Variants in CRISPLD1 observed in about 807,000 individuals in gnomAD.
CRISPLD1 encodes cysteine rich secretory protein LCCL domain containing 1, also known as cysteine-rich secretory protein LCCL domain-containing 1.
A neutral mutation model predicts 77.5 loss-of-function variants in CRISPLD1; 60 were observed. That is an observed-to-expected ratio of 0.77 (90% CI 0.63 to 0.96). CRISPLD1 has a LOEUF of 0.96. Among genes scored for constraint, CRISPLD1 ranks in the 40% least tolerant of loss-of-function variants. The pLI, the probability that CRISPLD1 is intolerant of heterozygous loss-of-function variation, is 0.00. For missense variants in CRISPLD1, 623 were observed against 615.8 expected (o/e 1.01, Z -0.12); for synonymous variants, 195 against 200.1 (o/e 0.97, Z 0.22).
At chr8:75,018,479 C>G (rs373151177) in intron 10 of CRISPLD1, among the ~76,000 whole-genome samples, 14 of 151,254 alleles carry the variant, frequency 9.3e-5, no homozygotes, top group Non-Finnish European at 1.5e-4. Flanking sequence ...TTAGTAGAGA[C>G]GAGGTTTCAC....
chr8:74,995,708 G>C (rs1220090833), intron 2 of CRISPLD1, among the ~76,000 whole-genome samples: 1 of 152,108 alleles, frequency 6.6e-6, no homozygotes, highest in African/African-American at 2.4e-5. Flanking sequence ...AATTCAATTA[G>C]GGAACATATC....
At position 75,032,326 on chromosome 8, in the gene CRISPLD1, C is replaced by T; in HGVS notation, c.*84C>T. The T allele has an allele frequency of 1.0e-6, 1 of 959,046 alleles. No individual in the cohort carries two copies. Among genetic ancestry groups the T allele is most frequent in the Non-Finnish European group, 1.5e-6 (1 of 651,522 alleles). 59.4% of individuals were successfully genotyped at this position (959,046 alleles called of 1,614,324 possible). A position where few individuals can be genotyped will look rare whatever the true frequency, so the allele number is the denominator to read the frequency against. ...TGTATAAAACTGTAACATTACTGTA[C>T]AGAGTACATCAACTATTTTCAGCCC... On this transcript the variant is annotated 3_prime_UTR_variant, in exon 15 of 15. Coordinates refer to ENST00000262207, the MANE Select transcript of CRISPLD1 (RefSeq NM_031461.6).
chr8:75,004,113 A>G (rs1199598694), intron 2 of CRISPLD1, among the ~76,000 whole-genome samples: 2 of 152,180 alleles, frequency 1.3e-5, no homozygotes, highest in Non-Finnish European at 2.9e-5. Context: ...ACTACCACAC[A>G]TGCCTCACAT....
rs1172848761 is a variant in CRISPLD1, at chr8:75,019,925, C to T, written c.1171+12C>T. 15 of 1,612,308 alleles carry T rather than the reference C, an allele frequency of 9.3e-6. No individual in the cohort carries two copies. In the Admixed American group the frequency reaches 2.5e-4, roughly 27 times the overall value. On this transcript the variant is annotated intron_variant, in intron 11 of 14. Coordinates refer to ENST00000262207, the MANE Select transcript of CRISPLD1 (RefSeq NM_031461.6). ...CTCTAAAGTAACAGGTTAGCACATT[C>T]TTCATCTTATTTTCTTAGTACTGTG...
intron 2 of CRISPLD1, among the ~76,000 whole-genome samples, chr8:74,998,971 C>G (rs1812690304): frequency 6.6e-6 from 1 of 151,982 alleles, no homozygotes; most frequent in Non-Finnish European, 1.5e-5. Flanking sequence ...TAATATGGAT[C>G]AAGTACAGAT....
In CRISPLD1 at chr8:74,986,229, C is replaced by G. The variant is rs1485702352; in HGVS notation, c.242C>G (p.Ser81Cys). 1.2e-6 allele frequency: 2 copies of G among 1,613,978 alleles called. No homozygotes were observed. Among genetic ancestry groups the G allele is most frequent in the East Asian group, 2.2e-5 (1 of 44,876 alleles). Residue 81 changes from serine to cysteine, a missense_variant, in exon 2 of 15, where the codon TCT (serine) becomes TGT (cysteine). Physicochemically the swap from Ser to Cys is moderately radical, Grantham distance 112. Coordinates refer to ENST00000262207, the MANE Select transcript of CRISPLD1 (RefSeq NM_031461.6). ...KLRSQVYPTA[S>C]NMEYMTWDVE... ...CGAAGTCAGGTGTATCCAACAGCCT[C>G]TAATATGGAGTATATGGTAAGGACA...
Position 75,012,966 on chromosome 8 carries a change from T to G in CRISPLD1, c.454T>G (p.Cys152Gly). The change falls in exon 4 of 15, where the codon TGC becomes GGC. Residue 152 changes from cysteine (C) to glycine (G), a missense_variant. Physicochemically the swap from Cys to Gly is radical, Grantham distance 159 (BLOSUM62 -3). Transcript: ENST00000262207. The part of the protein sequence containing the change: ...KDFSYPYEHE[C>G]NPYCPFRCSG... ...CTTTAGCTACCCATATGAACATGAATGCAACCCATATTGTCCATTCAGGTG... is the reference window on the plus strand; with the variant it reads ...CTTTAGCTACCCATATGAACATGAAGGCAACCCATATTGTCCATTCAGGTG... 6.2e-7 allele frequency: 1 copy of G among 1,613,052 alleles called. No individual in the cohort carries two copies. The highest frequency in any genetic ancestry group is 8.5e-7 in the Non-Finnish European group (1 of 1,179,380).
chr8:75,009,646 A>G (rs1812895370), intron 2 of CRISPLD1, among the ~76,000 whole-genome samples: 1 of 151,906 alleles, frequency 6.6e-6, no homozygotes, highest in Non-Finnish European at 1.5e-5. Flanking sequence ...AGTACTCTGC[A>G]AGAATCTGAT....
intron 2 of CRISPLD1, among the ~76,000 whole-genome samples, chr8:74,993,167 A>G (rs1199098464): frequency 6.6e-6 from 1 of 152,148 alleles, no homozygotes; most frequent in Non-Finnish European, 1.5e-5. Context: ...TTGTTTCCTA[A>G]TCTTGGTACA....
At chr8:74,998,953 A>T (rs921063696) in intron 2 of CRISPLD1, among the ~76,000 whole-genome samples, 1 of 152,026 alleles carries the variant, frequency 6.6e-6, no homozygotes, top group Non-Finnish European at 1.5e-5. Flanking sequence ...AAGTATTCAG[A>T]TGTTAGATAA....
At chr8:74,993,640 T>A (rs1812607269) in intron 2 of CRISPLD1, among the ~76,000 whole-genome samples, 2 of 152,184 alleles carry the variant, frequency 1.3e-5, no homozygotes. Flanking sequence ...AAAAGTGACA[T>A]TACAACCCAG....
At chr8:75,004,658 G>C (rs1280962393) in intron 2 of CRISPLD1, among the ~76,000 whole-genome samples, 1 of 152,060 alleles carries the variant, frequency 6.6e-6, no homozygotes, top group African/African-American at 2.4e-5. Flanking sequence ...CAAAAGATTT[G>C]GGGAGGGATC....
chr8:75,031,683 T>C (rs1313403892), intron 14 of CRISPLD1, among the ~76,000 whole-genome samples: 2 of 151,990 alleles, frequency 1.3e-5, no homozygotes, highest in African/African-American at 4.8e-5. Context: ...AAATTATAGA[T>C]GTTAAGAGTA....
At position 75,032,369 on chromosome 8, in the gene CRISPLD1, A is replaced by T. The variant is rs1813366565; in HGVS notation, c.*127A>T. The T allele has an allele frequency of 3.9e-6, 2 of 514,688 alleles. No homozygotes were observed. The highest frequency in any genetic ancestry group is 2.0e-5 in the African/African-American group (1 of 50,620). The allele number at this position is 514,688 out of a possible 1,614,324, so 31.9% of individuals were successfully genotyped here. A position where few individuals can be genotyped will look rare whatever the true frequency, so the allele number is the denominator to read the frequency against. ...TTCAGCCCAAAAAGGTGCCAAATGC[A>T]TATAAATCTTGATAAACAAAGTCTA... On this transcript the variant is annotated 3_prime_UTR_variant, in exon 15 of 15. Transcript: ENST00000262207.
intron 2 of CRISPLD1, among the ~76,000 whole-genome samples, chr8:74,997,359 A>G (rs979860545): frequency 1.3e-5 from 2 of 152,138 alleles, no homozygotes; most frequent in African/African-American, 4.8e-5. Context: ...GGAATCTGGG[A>G]TGTTCTTAGG....
intron 2 of CRISPLD1, among the ~76,000 whole-genome samples, chr8:75,005,279 G>T (rs1812809281): frequency 6.6e-6 from 1 of 152,038 alleles, no homozygotes; most frequent in Admixed American, 6.6e-5. Context: ...TACAAACAAT[G>T]GAATTGGAAA....
chr8:74,999,836 T>G (rs1224252176), intron 2 of CRISPLD1, among the ~76,000 whole-genome samples: 1 of 151,594 alleles, frequency 6.6e-6, no homozygotes, highest in Non-Finnish European at 1.5e-5. Flanking sequence ...AACAATAATT[T>G]TCTCTCCTCT....
At chr8:75,010,673 T>G (rs1334260776) in intron 2 of CRISPLD1, among the ~76,000 whole-genome samples, 1 of 152,130 alleles carries the variant, frequency 6.6e-6, no homozygotes, top group Non-Finnish European at 1.5e-5. Flanking sequence ...TCTCATTGCT[T>G]TATAATTTCA....
At chr8:75,016,737 C>T (rs1422001675) in intron 7 of CRISPLD1, 32 bp downstream of exon 7, 2 of 1,586,536 alleles carry the variant, frequency 1.3e-6, no homozygotes, top group Admixed American at 3.6e-5. Flanking sequence ...TAAAAATTTT[C>T]AAAGTACATA....
Sources: gnomAD v4.1 joint callset for allele counts (sites outside exome capture counted in the v4.1 genomes callset) on GRCh38, gnomAD v4.1.1 for gene constraint, MANE v1.5 for transcripts, NCBI Gene and HGNC (gene_info 2026-07-23, HGNC 2026-07-21) for gene names.